The following COMMD1 variants were observed in gnomAD, a reference collection of about 807,000 sequenced individuals.
COMMD1 encodes the protein copper metabolism domain containing 1, also known as COMM domain-containing protein 1.
Under a neutral mutation model 17.2 loss-of-function variants are expected in COMMD1, and 10 were observed. That is an observed-to-expected ratio of 0.58 (90% CI 0.36 to 0.99). The LOEUF is 0.99. COMMD1 is among the 50% of genes least tolerant of loss of function. The pLI is 0.01. For synonymous variants in COMMD1, 97 were observed against 91.6 expected (o/e 1.06, Z -0.34); for missense variants, 270 against 231.8 (o/e 1.17, Z -1.07).
At chr2:62,094,411 T>C (rs553238202) in intron 2 of COMMD1, among the ~76,000 whole-genome samples, 1 of 152,226 alleles carries the variant, frequency 6.6e-6, no homozygotes, top group East Asian at 1.9e-4. Context: ...TCAAGGAGGG[T>C]GCCCCCCTTG....
At chr2:62,005,999 G>A (rs1160047383) in intron 2 of COMMD1, among the ~76,000 whole-genome samples, 5 of 151,520 alleles carry the variant, frequency 3.3e-5, no homozygotes, top group African/African-American at 7.3e-5. Flanking sequence ...TACACACCAC[G>A]GAATACTATG....
chr2:61,892,154 C>CT (rs1669447807), intron 1 of COMMD1, among the ~76,000 whole-genome samples: 1 of 151,874 alleles, frequency 6.6e-6, no homozygotes, highest in Admixed American at 6.6e-5. Flanking sequence ...TTAAAAAATA[C>CT]TTTCCAAAAC....
chr2:62,062,886 G>A lies in COMMD1; in HGVS notation c.462+61904G>A, dbSNP rs183665947. Among the ~76,000 whole-genome samples the A allele has an allele frequency of 4.7e-3, 708 of 151,850 alleles. 2 individuals are homozygous for A. The highest frequency in any genetic ancestry group is 7.4e-3 in the Non-Finnish European group (503 of 67,890). ...GGAGTTCGTGACCAGCCTGGGCAAC[G>A]TAGGGACACCCTGTCTCTACCAAAA... On this transcript the variant is annotated intron_variant, in intron 2 of 2. Coordinates refer to ENST00000311832, the MANE Select transcript of COMMD1 (RefSeq NM_152516.4).
At position 61,900,355 on chromosome 2, in the gene COMMD1, C is replaced by T. The variant is rs529608179; in HGVS notation, n.119+11513C>T. ...TGCAATTGGTTAAAGTCATAAGGCT[C>T]TGTCTAAAACTTGGAGTCAGAAGAA... On this transcript the variant is annotated intron_variant and non_coding_transcript_variant, in intron 1 of 2. Transcript: ENST00000472729. Among the ~76,000 whole-genome samples, 3 of 152,338 alleles carry T rather than the reference C, an allele frequency of 2.0e-5. No individual in the cohort carries two copies. In the East Asian group the frequency reaches 5.8e-4, roughly 29 times the overall value.
intron 2 of COMMD1, among the ~76,000 whole-genome samples, chr2:62,004,365 A>G (rs1669055283): frequency 1.3e-5 from 2 of 152,156 alleles, no homozygotes; most frequent in African/African-American, 4.8e-5. Context: ...CAGTGGCACA[A>G]TCTCGGCTCA....
At chr2:62,120,177 T>G (rs1164627195) in intron 2 of COMMD1, among the ~76,000 whole-genome samples, 1 of 152,044 alleles carries the variant, frequency 6.6e-6, no homozygotes, top group Admixed American at 6.5e-5. Context: ...TTTTTGTATT[T>G]TTAGTAGAGA....
chr2:62,002,727 G>A (rs377232797), intron 2 of COMMD1, among the ~76,000 whole-genome samples: 2 of 151,542 alleles, frequency 1.3e-5, no homozygotes, highest in South Asian at 4.2e-4. Flanking sequence ...ATGGTGGCGG[G>A]CACCTGTAAT....
chr2:61,978,620 T>C (rs1573025183), intron 1 of COMMD1, among the ~76,000 whole-genome samples: 2 of 152,308 alleles, frequency 1.3e-5, no homozygotes, highest in East Asian at 3.9e-4. Context: ...TTTGCTTGAC[T>C]AGGGGCTGAA....
chr2:62,034,306 A>C (rs1669986984), intron 2 of COMMD1, among the ~76,000 whole-genome samples: 1 of 151,960 alleles, frequency 6.6e-6, no homozygotes, highest in Non-Finnish European at 1.5e-5. Flanking sequence ...GTTCGAGATC[A>C]GCCTGGCCAA....
chr2:61,908,692 TG>T (rs1669832926), intron 1 of COMMD1, among the ~76,000 whole-genome samples: 1 of 152,134 alleles, frequency 6.6e-6, no homozygotes, highest in South Asian at 2.1e-4. Context: ...CCCGAGTGGC[TG>T]GGATTACAGG....
intron 2 of COMMD1, among the ~76,000 whole-genome samples, chr2:62,099,792 T>G (rs1324259834): frequency 2.0e-5 from 3 of 151,940 alleles, no homozygotes; most frequent in Admixed American, 6.6e-5. Flanking sequence ...CAAGCCTTCT[T>G]AATATTTGTT....
At chr2:61,998,668 CCTAGCTTTCAGCCTATCTTGGCTT>C (rs1176561619) in intron 1 of COMMD1, among the ~76,000 whole-genome samples, 1 of 152,186 alleles carries the variant, frequency 6.6e-6, no homozygotes, top group East Asian at 1.9e-4. Context: ...GCACAGGAGG[CCTAGCTTTCAGCCTATCTTGGCTT>C]CCTCTCTAAG....
chr2:62,021,167 C>T (rs1022371960), intron 2 of COMMD1, among the ~76,000 whole-genome samples: 5 of 152,144 alleles, frequency 3.3e-5, no homozygotes, highest in African/African-American at 1.2e-4. Flanking sequence ...TCTTTTAGAT[C>T]GTTTTCTTGA....
At chr2:61,946,817 C>T (rs1267617236) in intron 1 of COMMD1, among the ~76,000 whole-genome samples, 1 of 151,908 alleles carries the variant, frequency 6.6e-6, no homozygotes, top group Non-Finnish European at 1.5e-5. Flanking sequence ...AGGTTTTTGT[C>T]CTTTTCTCTT....
At chr2:61,901,523 T>C (rs1490701842), upstream of COMMD1, among the ~76,000 whole-genome samples, 2 of 151,950 alleles carry the variant, frequency 1.3e-5, no homozygotes, top group South Asian at 2.1e-4. Context: ...CTAGGGAGGC[T>C]GACACATGAA....
At chr2:61,893,976 C>T (rs542828324) in intron 1 of COMMD1, among the ~76,000 whole-genome samples, 81 of 152,208 alleles carry the variant, frequency 5.3e-4, no homozygotes, top group Non-Finnish European at 1.0e-3. Context: ...GGTAAGAGAA[C>T]AGCTTGAGCC....
At chr2:62,119,632 C>T (rs561968535) in intron 2 of COMMD1, among the ~76,000 whole-genome samples, 97 of 152,298 alleles carry the variant, frequency 6.4e-4, no homozygotes, top group Non-Finnish European at 1.1e-3. Context: ...CTAACTATGC[C>T]TATTTCTCCC....
Position 62,074,958 on chromosome 2 carries a change from C to T in COMMD1, c.463-60873C>T, listed in dbSNP as rs185150709. On this transcript the variant is annotated intron_variant, in intron 2 of 2. Coordinates refer to ENST00000311832, the MANE Select transcript of COMMD1 (RefSeq NM_152516.4). ...AGGCTGGAGTGCAATGGCGCAATCT[C>T]GGCTCACTTCAACTACTGCCTCCCG... 3.4e-4 allele frequency among the ~76,000 whole-genome samples: 49 copies of T among 146,076 alleles called. 1 individual carries two copies. The highest frequency in any genetic ancestry group is 1.7e-3 in the Admixed American group (24 of 14,284).
chr2:61,956,420 T>TG (rs1671200513), intron 1 of COMMD1, among the ~76,000 whole-genome samples: 1 of 152,186 alleles, frequency 6.6e-6, no homozygotes, highest in African/African-American at 2.4e-5. Flanking sequence ...AAATTTTTTT[T>TG]TTTTTTGGAG....
Sources: gnomAD v4.1 joint callset for allele counts (sites outside exome capture counted in the v4.1 genomes callset) on GRCh38, gnomAD v4.1.1 for gene constraint, MANE v1.5 for transcripts, NCBI Gene and HGNC (gene_info 2026-07-23, HGNC 2026-07-21) for gene names.